CTNNBL1: variants seen among roughly 807,000 people sequenced by gnomAD.
CTNNBL1 encodes catenin beta like 1.
In CTNNBL1, 31 loss-of-function variants were observed where a neutral mutation model predicts 72.7. The ratio of observed to expected loss-of-function variants is 0.43; its 90% confidence interval spans 0.32 to 0.58. CTNNBL1 has a LOEUF of 0.58. CTNNBL1 is among the 20% of genes least tolerant of loss of function. The pLI, the probability that CTNNBL1 is intolerant of heterozygous loss-of-function variation, is 0.08. For synonymous variants in CTNNBL1, 240 were observed against 267.3 expected (o/e 0.90, Z 1.00); for missense variants, 534 against 725.1 (o/e 0.74, Z 3.03).
At chr20:37,820,307 G>C (rs535258822) in intron 11 of CTNNBL1, among the ~76,000 whole-genome samples, 1 of 152,140 alleles carries the variant, frequency 6.6e-6, no homozygotes, top group South Asian at 2.1e-4. Flanking sequence ...ACATAAGTAA[G>C]GTACATAAGT....
At chr20:37,697,074 T>C (rs2072799639) in intron 1 of CTNNBL1, among the ~76,000 whole-genome samples, 2 of 151,910 alleles carry the variant, frequency 1.3e-5, no homozygotes, top group Non-Finnish European at 2.9e-5. Context: ...TCCCAGCTAC[T>C]TGGGAGGCTG....
chr20:37,831,435 G>T lies in CTNNBL1; in HGVS notation c.1214-8667G>T, dbSNP rs150278242. ...GACTGGAGTGCAGTGGTGCGATCTCGGCTCACTGTAAGCTCCACCTCCTGG... is the reference window on the plus strand; with the variant it reads ...GACTGGAGTGCAGTGGTGCGATCTCTGCTCACTGTAAGCTCCACCTCCTGG... On this transcript the variant is annotated intron_variant, in intron 11 of 15. Transcript: ENST00000361383. 3.6e-4 allele frequency among the ~76,000 whole-genome samples: 54 copies of T among 151,250 alleles called. 2 individuals are homozygous for T. The East Asian group carries it at 8.9e-3, about 25-fold the overall frequency.
At chr20:37,793,304 C>A (rs2073742394) in intron 10 of CTNNBL1, among the ~76,000 whole-genome samples, 1 of 152,126 alleles carries the variant, frequency 6.6e-6, no homozygotes, top group African/African-American at 2.4e-5. Context: ...ATTTTGAGTT[C>A]TTTTAGCTGC....
In CTNNBL1 at chr20:37,736,991, A is replaced by T. The variant is rs1240358723; in HGVS notation, c.220-387A>T. Among the ~76,000 whole-genome samples, 14 of 152,054 alleles carry T rather than the reference A, an allele frequency of 9.2e-5. No individual in the cohort carries two copies. In the South Asian group the frequency reaches 2.7e-3, roughly 29 times the overall value. On this transcript the variant is annotated intron_variant, in intron 2 of 15. Transcript: ENST00000361383. ...GTAATCCCAGCACTTTGGGAGGCCA[A>T]GGTGGGCAGATCACGAGGTCAGGAG...
intron 11 of CTNNBL1, among the ~76,000 whole-genome samples, chr20:37,806,065 A>G (rs557819035): frequency 8.7e-4 from 132 of 152,304 alleles, no homozygotes; most frequent in Admixed American, 2.8e-3. Context: ...AGGGTCTTTC[A>G]TCCAGCTTGT....
chr20:37,711,809 G>A (rs1244424299), intron 1 of CTNNBL1, among the ~76,000 whole-genome samples: 1 of 152,030 alleles, frequency 6.6e-6, no homozygotes, highest in East Asian at 1.9e-4. Flanking sequence ...AAACTCTGAG[G>A]TGGGAACAGA....
At chr20:37,769,923 G>A (rs754816511) in intron 7 of CTNNBL1, among the ~76,000 whole-genome samples, 8 of 152,184 alleles carry the variant, frequency 5.3e-5, no homozygotes, top group Admixed American at 1.3e-4. Context: ...GGTTTTCTCC[G>A]TTTCTGACAC....
intron 15 of CTNNBL1, among the ~76,000 whole-genome samples, chr20:37,868,437 G>A (rs1377181757): frequency 1.3e-5 from 2 of 152,166 alleles, no homozygotes; most frequent in African/African-American, 4.8e-5. Context: ...TTGTGAGATT[G>A]ATGCAAAGGT....
At chr20:37,817,158 C>G (rs1398108969) in intron 11 of CTNNBL1, among the ~76,000 whole-genome samples, 1 of 152,144 alleles carries the variant, frequency 6.6e-6, no homozygotes, top group African/African-American at 2.4e-5. Context: ...TAGGGCCCCC[C>G]AAAGCCTGTA....
At chr20:37,801,267 T>C (rs1226741854) in intron 10 of CTNNBL1, among the ~76,000 whole-genome samples, 4 of 152,218 alleles carry the variant, frequency 2.6e-5, no homozygotes, top group Non-Finnish European at 5.9e-5. Flanking sequence ...GCTTTTTTTT[T>C]TGGAAGCAGA....
chr20:37,748,365 T>C (rs1440362276), intron 4 of CTNNBL1, among the ~76,000 whole-genome samples: 3 of 152,216 alleles, frequency 2.0e-5, no homozygotes, highest in African/African-American at 4.8e-5. Context: ...TATGACTTTG[T>C]TCACCAGGGT....
At chr20:37,767,806 G>A in intron 6 of CTNNBL1, 147 bp from the exon 7 acceptor site, 1 of 647,162 alleles carries the variant, frequency 1.5e-6, no homozygotes, top group Non-Finnish European at 2.8e-6. Context: ...CAACTCCCTG[G>A]TTAATCTGAA....
intron 9 of CTNNBL1, 99 bp downstream of exon 9, chr20:37,777,811 G>C: frequency 1.6e-6 from 2 of 1,231,814 alleles, no homozygotes; most frequent in South Asian, 2.4e-5. Context: ...GCCATGTGCT[G>C]CAAGCCATAT....
At chr20:37,721,408 C>G (rs1157021783) in intron 1 of CTNNBL1, among the ~76,000 whole-genome samples, 1 of 152,040 alleles carries the variant, frequency 6.6e-6, no homozygotes, top group Non-Finnish European at 1.5e-5. Flanking sequence ...TTTAAGGTAC[C>G]CTGTGAGTGT....
intron 2 of CTNNBL1, among the ~76,000 whole-genome samples, chr20:37,735,970 G>T (rs979430456): frequency 8.5e-5 from 13 of 152,168 alleles, no homozygotes; most frequent in African/African-American, 3.1e-4. Context: ...ATTTAAACTG[G>T]AAGGAAACTG....
intron 11 of CTNNBL1, among the ~76,000 whole-genome samples, chr20:37,828,778 CATCT>C (rs1336808278): frequency 1.3e-5 from 2 of 152,176 alleles, no homozygotes; most frequent in African/African-American, 2.4e-5. Flanking sequence ...CACACAGATC[CATCT>C]GTCTTGAGAA....
At chr20:37,742,330 G>T (rs553050900) in intron 3 of CTNNBL1, among the ~76,000 whole-genome samples, 2 of 152,240 alleles carry the variant, frequency 1.3e-5, no homozygotes, top group East Asian at 3.9e-4. Context: ...CCATTTACAG[G>T]CATCTCCCAA....
intron 4 of CTNNBL1, chr20:37,750,687 T>C (rs1398717457): frequency 6.6e-6 from 1 of 152,218 alleles, no homozygotes; most frequent in Non-Finnish European, 1.5e-5. Context: ...TATTCTGTTT[T>C]TGTATGTCTT....
intron 10 of CTNNBL1, among the ~76,000 whole-genome samples, chr20:37,796,288 A>C (rs1334056622): frequency 6.6e-6 from 1 of 152,056 alleles, no homozygotes; most frequent in Non-Finnish European, 1.5e-5. Flanking sequence ...ATCTCCGTGC[A>C]GCTCTCTGCT....
Sources: gnomAD v4.1 joint callset for allele counts (sites outside exome capture counted in the v4.1 genomes callset) on GRCh38, gnomAD v4.1.1 for gene constraint, MANE v1.5 for transcripts, NCBI Gene and HGNC (gene_info 2026-07-23, HGNC 2026-07-21) for gene names.